The following MYOF variants were observed in gnomAD, a reference collection of about 807,000 sequenced individuals.
MYOF encodes the protein myoferlin.
A neutral mutation model predicts 284.2 loss-of-function variants in MYOF; 244 were observed. The observed-to-expected ratio is 0.86, with a 90% confidence interval of 0.77 to 0.95. MYOF has a LOEUF of 0.95. MYOF is among the 40% of genes least tolerant of loss of function. The pLI, the probability that MYOF is intolerant of heterozygous loss-of-function variation, is 0.00. For missense variants in MYOF, 2,496 were observed against 2,560.6 expected (o/e 0.97, Z 0.54); for synonymous variants, 904 against 919.7 (o/e 0.98, Z 0.31).
chr10:93,383,063 T>G (rs1846200586), intron 19 of MYOF, among the ~76,000 whole-genome samples: 2 of 151,990 alleles, frequency 1.3e-5, no homozygotes, highest in African/African-American at 4.8e-5. Context: ...ACCTGGCTAA[T>G]TTTTGTATTT....
chr10:93,382,496 G>A (rs1486417911), intron 19 of MYOF, among the ~76,000 whole-genome samples: 1 of 152,134 alleles, frequency 6.6e-6, no homozygotes, highest in Non-Finnish European at 1.5e-5. Flanking sequence ...AATTGAAATG[G>A]GAAATTAAAC....
chr10:93,332,996 T>G lies in MYOF; in HGVS notation c.4811+225A>C, dbSNP rs565670887. ...TGTGCTCCTATAACACTAGTACTAA[T>G]GCTGTCTGTCTACCCTGCAAGCTAT... is the stretch of plus-strand genomic sequence containing the variant. On this transcript the variant is annotated intron_variant, in intron 43 of 53. Transcript: ENST00000359263. Among the ~76,000 whole-genome samples, 4 of 152,324 alleles carry G rather than the reference T, an allele frequency of 2.6e-5. No homozygotes were observed. The South Asian group carries it at 8.3e-4, about 32-fold the overall frequency.
chr10:93,436,471 GATTT>G (rs1181519388), intron 3 of MYOF, among the ~76,000 whole-genome samples: 1 of 131,810 alleles, frequency 7.6e-6, no homozygotes, highest in African/African-American at 2.5e-5. Flanking sequence ...AAGAAAACTG[GATTT>G]ATTTATTTAT....
In MYOF at chr10:93,408,827, C is replaced by A; in HGVS notation, c.689G>T (p.Arg230Leu). Residue 230 changes from arginine (R) to leucine (L), a missense_variant, in exon 7 of 54, where the codon CGA becomes CTA. This residue lies in a region of MYOF where 2,436 missense variants were observed against 2,480.7 expected (regional missense o/e 0.98). Coordinates refer to ENST00000359263, the MANE Select transcript of MYOF (RefSeq NM_013451.4). The part of the protein sequence containing the change: ...VKVHVCGQTH[R>L]TRIKRGNNPF... ...GTTGTTTCCTCTCTTGATTCTTGTT[C>A]GGTGTGTCTGGCCACAGACGTGAAC... 6.2e-7 allele frequency: 1 copy of A among 1,614,168 alleles called. No individual in the cohort carries two copies. Among genetic ancestry groups the A allele is most frequent in the Non-Finnish European group, 8.5e-7 (1 of 1,180,030 alleles).
chr10:93,322,986 A>T lies in MYOF; in HGVS notation c.5456+92T>A, dbSNP rs2133768264. On this transcript the variant is annotated intron_variant, in intron 48 of 53. Coordinates refer to ENST00000359263, the MANE Select transcript of MYOF (RefSeq NM_013451.4). Reference sequence around the variant, plus strand: ...ATAAAATAACCTCAAAAAACCAAGAATCCTATCTTGGGCATATTCAGTAAT... The same window carrying T: ...ATAAAATAACCTCAAAAAACCAAGATTCCTATCTTGGGCATATTCAGTAAT... 7 of 1,283,212 alleles carry T rather than the reference A, an allele frequency of 5.5e-6. No individual in the cohort carries two copies. In the East Asian group the frequency reaches 1.6e-4, roughly 30 times the overall value. The allele number at this position is 1,283,212 out of a possible 1,614,324, so 79.5% of individuals were successfully genotyped here. A position where few individuals can be genotyped will look rare whatever the true frequency, so the allele number is the denominator to read the frequency against.
intron 3 of MYOF, among the ~76,000 whole-genome samples, chr10:93,449,505 A>G (rs1376026733): frequency 6.6e-6 from 1 of 152,186 alleles, no homozygotes; most frequent in Non-Finnish European, 1.5e-5. Flanking sequence ...AAACTTTGAA[A>G]TATGGGAAAT....
At chr10:93,373,482 T>A (rs907664735) in intron 23 of MYOF, among the ~76,000 whole-genome samples, 5 of 151,838 alleles carry the variant, frequency 3.3e-5, no homozygotes, top group Admixed American at 2.6e-4. Flanking sequence ...CATCCAATAT[T>A]TGTCAAATCT....
At chr10:93,479,308 A>T (rs2057339528) in intron 1 of MYOF, among the ~76,000 whole-genome samples, 1 of 151,866 alleles carries the variant, frequency 6.6e-6, no homozygotes, top group Non-Finnish European at 1.5e-5. Flanking sequence ...TTTCCAGTTT[A>T]CCATACCCTG....
intron 5 of MYOF, among the ~76,000 whole-genome samples, chr10:93,418,252 GACAATGCAGA>G (rs1848214536): frequency 6.6e-6 from 1 of 152,212 alleles, no homozygotes; most frequent in African/African-American, 2.4e-5. Flanking sequence ...AAGCTAAAAG[GACAATGCAGA>G]ACAGGAAAGG....
intron 7 of MYOF, among the ~76,000 whole-genome samples, chr10:93,406,571 C>CT (rs1554855720): frequency 2.5e-5 from 1 of 39,448 alleles, no homozygotes; most frequent in Admixed American, 5.6e-4. Context: ...CCTCCCCACC[C>CT]ATCCAGTCTT....
chr10:93,428,196 ATTT>A (rs34975275), intron 4 of MYOF, among the ~76,000 whole-genome samples: 6,017 of 127,470 alleles, frequency 0.047, 184 homozygotes, highest in Non-Finnish European at 0.07. Flanking sequence ...TTTTATGTGA[ATTT>A]TTTTTTTTTT....
intron 39 of MYOF, chr10:93,338,523 A>C: frequency 4.4e-6 from 2 of 456,788 alleles, no homozygotes; most frequent in South Asian, 3.1e-5. Flanking sequence ...GCCTTCATCT[A>C]CCTGCCTCCA....
Position 93,351,735 on chromosome 10 carries a change from T to A in MYOF, c.3593A>T (p.Tyr1198Phe), listed in dbSNP as rs12256834. The stretch of plus-strand genomic sequence containing the variant: ...CTGTAGAACTGTTTGGGGTTCCCCA[T>A]AGATTTCAACTTCATCGAATATAAT... ...QTIIFDEVEI[Y>F]GEPQTVLQNP... The change falls in exon 33 of 54, where the codon TAT (tyrosine) becomes TTT (phenylalanine). Residue 1198 changes from tyrosine to phenylalanine, a missense_variant. Transcript: ENST00000359263. The A allele has an allele frequency of 0.012, 19,549 of 1,599,620 alleles. 836 individuals carry two copies. In the African/African-American group the frequency reaches 0.15, roughly 12 times the overall value.
chr10:93,306,669 A>G lies in MYOF; in HGVS notation c.*294T>C. On this transcript the variant is annotated 3_prime_UTR_variant, in exon 54 of 54. Coordinates refer to ENST00000359263, the MANE Select transcript of MYOF (RefSeq NM_013451.4). ...AGCTGAAGTCTAGAACCGAAGACAC[A>G]TATAAAAAGATGATTTTTAAATGGA... The G allele has an allele frequency of 2.7e-6, 1 of 376,632 alleles. No individual in the cohort carries two copies. Among genetic ancestry groups the G allele is most frequent in the Non-Finnish European group, 4.7e-6 (1 of 212,324 alleles). The allele number at this position is 376,632 out of a possible 1,614,324, so 23.3% of individuals were successfully genotyped here.
At chr10:93,355,407 A>G (rs1314674130) in intron 31 of MYOF, among the ~76,000 whole-genome samples, 1 of 152,140 alleles carries the variant, frequency 6.6e-6, no homozygotes, top group Non-Finnish European at 1.5e-5. Context: ...CAGCCTGGCT[A>G]ACATGGAGGA....
intron 35 of MYOF, among the ~76,000 whole-genome samples, chr10:93,350,965 G>T (rs1347566884): frequency 6.6e-6 from 1 of 152,162 alleles, no homozygotes; most frequent in African/African-American, 2.4e-5. Context: ...AAACCTGCTG[G>T]CTCCCAGTAA....
chr10:93,351,159 C>A, intron 35 of MYOF, 38 bp downstream of exon 35: 1 of 1,584,644 alleles, frequency 6.3e-7, no homozygotes, highest in Non-Finnish European at 8.7e-7. Context: ...CAGTCACATC[C>A]GTTTGATTTG....
At chr10:93,452,959 T>TAA (rs1413340526) in intron 2 of MYOF, among the ~76,000 whole-genome samples, 1 of 148,266 alleles carries the variant, frequency 6.7e-6, no homozygotes, top group Non-Finnish European at 1.5e-5. Flanking sequence ...ATGACAAAAG[T>TAA]AAAAAAAAAA....
intron 49 of MYOF, among the ~76,000 whole-genome samples, chr10:93,318,984 C>T (rs1222217135): frequency 6.6e-6 from 1 of 152,036 alleles, no homozygotes; most frequent in Admixed American, 6.5e-5. Context: ...ATGAAAGCAC[C>T]CAGATTTTCC....
Sources: gnomAD v4.1 joint callset for allele counts (sites outside exome capture counted in the v4.1 genomes callset) on GRCh38, gnomAD v4.1.1 for gene constraint, gnomAD v4.1.1 regional missense constraint, MANE v1.5 for transcripts, NCBI Gene and HGNC (gene_info 2026-07-23, HGNC 2026-07-21) for gene names.